The following N4BP2 variants were observed in gnomAD, a reference collection of about 807,000 sequenced individuals.
The protein encoded by N4BP2 is NEDD4-binding protein 2.
In N4BP2, 91 loss-of-function variants were observed where a neutral mutation model predicts 152.8. That is an observed-to-expected ratio of 0.60 (90% CI 0.50 to 0.71). The LOEUF is 0.71. Among genes scored for constraint, N4BP2 ranks in the 30% least tolerant of loss-of-function variants. The probability of loss-of-function intolerance (pLI) is 0.00; values close to 1 mark genes in which losing one functional copy is unlikely to be tolerated. For synonymous variants in N4BP2, 646 were observed against 705.3 expected (o/e 0.92, Z 1.33); for missense variants, 1,923 against 2,059.1 (o/e 0.93, Z 1.28).
At chr4:40,179,417 T>G in the N4BP2 span, among the ~76,000 whole-genome samples, 4 of 152,138 alleles carry the variant, frequency 2.6e-5, no homozygotes, top group African/African-American at 9.7e-5. Context: ...AAAACTACCA[T>G]TGAGTCACAG....
At chr4:40,160,388 A>G (rs1721826778), downstream of N4BP2, among the ~76,000 whole-genome samples, 1 of 152,172 alleles carries the variant, frequency 6.6e-6, no homozygotes, top group African/African-American at 2.4e-5. Context: ...CCTTCAAAGC[A>G]TGAATGTTGA....
At chr4:40,133,779 G>C (rs1719112171) in intron 13 of N4BP2, among the ~76,000 whole-genome samples, 1 of 152,120 alleles carries the variant, frequency 6.6e-6, no homozygotes, top group African/African-American at 2.4e-5. Flanking sequence ...AAGTGTTTCA[G>C]ATGAGGAGTA....
chr4:40,114,666 C>T (rs1053472011), intron 7 of N4BP2, among the ~76,000 whole-genome samples: 1 of 151,856 alleles, frequency 6.6e-6, no homozygotes, highest in Non-Finnish European at 1.5e-5. Context: ...TTTTTTTATT[C>T]CTTGACTTGT....
intron 1 of N4BP2, among the ~76,000 whole-genome samples, chr4:40,069,860 C>T (rs1478406051): frequency 6.6e-6 from 1 of 152,126 alleles, no homozygotes; most frequent in Non-Finnish European, 1.5e-5. Context: ...GAGTTCAAAG[C>T]TGTAGTGTTG....
At chr4:40,104,696 C>G (rs1226488686) in intron 4 of N4BP2, among the ~76,000 whole-genome samples, 2 of 151,892 alleles carry the variant, frequency 1.3e-5, no homozygotes, top group East Asian at 3.9e-4. Flanking sequence ...TCAGAGGCAG[C>G]TACAGTGTGG....
At chr4:40,151,248 G>A (rs112492474) in intron 16 of N4BP2, among the ~76,000 whole-genome samples, 3,755 of 152,218 alleles carry the variant, frequency 0.025, 159 homozygotes, top group African/African-American at 0.086. Context: ...GTTATGATTA[G>A]AGATTTAGTT....
intron 12 of N4BP2, among the ~76,000 whole-genome samples, chr4:40,129,441 G>T (rs919289275): frequency 2.0e-5 from 3 of 152,054 alleles, no homozygotes; most frequent in Admixed American, 2.0e-4. Flanking sequence ...TGGCCAGGCT[G>T]GTCTCAAACT....
chr4:40,092,222 A>G (rs570781861), intron 2 of N4BP2, among the ~76,000 whole-genome samples: 1 of 150,596 alleles, frequency 6.6e-6, no homozygotes, highest in East Asian at 1.9e-4. Flanking sequence ...ATGTAGGATT[A>G]GTATTATTTT....
intron 7 of N4BP2, among the ~76,000 whole-genome samples, chr4:40,113,956 C>T (rs878870534): frequency 6.6e-6 from 1 of 152,136 alleles, no homozygotes; most frequent in Admixed American, 6.6e-5. Flanking sequence ...GGATTTGGCA[C>T]ACCTGAACTA....
At chr4:40,067,542 G>A (rs1711659804) in intron 1 of N4BP2, among the ~76,000 whole-genome samples, 1 of 151,796 alleles carries the variant, frequency 6.6e-6, no homozygotes, top group Non-Finnish European at 1.5e-5. Context: ...TTTTGGATAT[G>A]TACCCTGAAG....
chr4:40,141,851 C>T (rs1334606768), intron 14 of N4BP2, among the ~76,000 whole-genome samples: 3 of 152,254 alleles, frequency 2.0e-5, no homozygotes, highest in East Asian at 1.9e-4. Context: ...CTCGGGAGGC[C>T]GAGGCTGGCG....
the N4BP2 span, among the ~76,000 whole-genome samples, chr4:40,170,817 T>C: frequency 6.6e-6 from 1 of 152,246 alleles, no homozygotes; most frequent in Non-Finnish European, 1.5e-5. Context: ...TGAGTTAATA[T>C]GTCATGGGCC....
At chr4:40,097,886 T>C (rs1029950291) in intron 3 of N4BP2, among the ~76,000 whole-genome samples, 3 of 152,200 alleles carry the variant, frequency 2.0e-5, no homozygotes, top group Admixed American at 2.0e-4. Flanking sequence ...ATCCTTTATT[T>C]TGAGTGGCTC....
chr4:40,161,161 T>C (rs1409510377), downstream of N4BP2, among the ~76,000 whole-genome samples: 3 of 152,284 alleles, frequency 2.0e-5, 1 homozygote, highest in East Asian at 5.8e-4. Context: ...GAGAATTGAA[T>C]TGGTAGAGGT....
intron 7 of N4BP2, 90 bp from the exon 8 acceptor site, chr4:40,117,779 T>A: frequency 1.9e-6 from 2 of 1,072,076 alleles, no homozygotes; most frequent in Non-Finnish European, 2.6e-6. Context: ...CTATTAGAAA[T>A]ATATTATTGT....
chr4:40,187,382 T>A, the N4BP2 span, among the ~76,000 whole-genome samples: 1 of 152,260 alleles, frequency 6.6e-6, no homozygotes, highest in East Asian at 1.9e-4. Context: ...CTACATGTAA[T>A]TAAAACGACA....
chr4:40,119,383 A>G (rs1394559650), intron 8 of N4BP2, among the ~76,000 whole-genome samples: 2 of 152,342 alleles, frequency 1.3e-5, no homozygotes, highest in East Asian at 1.9e-4. Context: ...GATTTGCACA[A>G]GTGCTCTGAG....
rs148290470 is a variant in N4BP2, at chr4:40,103,026, A to C, written c.1181A>C (p.Asn394Thr). 108 of 1,614,016 alleles carry C rather than the reference A, an allele frequency of 6.7e-5. No homozygotes were observed. The highest frequency in any genetic ancestry group is 8.7e-5 in the Non-Finnish European group (103 of 1,180,004). The change falls in exon 4 of 18, where the codon AAC becomes ACC. Residue 394 changes from asparagine (N) to threonine (T), a missense_variant. Physicochemically the swap from Asn to Thr is moderately conservative, Grantham distance 65 (BLOSUM62 0). Transcript: ENST00000261435. The stretch of plus-strand genomic sequence containing the variant: ...ACAGCTGCACACTGGAGATCTGTCA[A>C]CTACACATTTCCACCCTCAGTTATT... ...VTTAAHWRSV[N>T]YTFPPSVISH...
intron 4 of N4BP2, among the ~76,000 whole-genome samples, chr4:40,103,897 C>T (rs1023238963): frequency 6.6e-6 from 1 of 152,110 alleles, no homozygotes; most frequent in Non-Finnish European, 1.5e-5. Context: ...TTCATAGTCC[C>T]TCTCTATCCC....
Sources: allele counts gnomAD v4.1 joint callset (sites outside exome capture counted in the v4.1 genomes callset), GRCh38; gene constraint gnomAD v4.1.1; transcripts MANE v1.5; gene names NCBI Gene and HGNC (gene_info 2026-07-23, HGNC 2026-07-21).